The following CD86 variants were observed in gnomAD, a reference collection of about 807,000 sequenced individuals.
The protein encoded by CD86 is CD86 molecule.
In CD86, 11 loss-of-function variants were observed where a neutral mutation model predicts 32.1. The observed-to-expected ratio is 0.34, with a 90% CI of 0.22 to 0.57. The LOEUF is 0.57. CD86 is among the 20% of genes least tolerant of loss of function. The pLI is 0.86. For synonymous variants in CD86, 137 were observed against 135.3 expected, an observed-to-expected ratio of 1.01 and a Z score of -0.09; for missense variants, 359 against 398.4, an observed-to-expected ratio of 0.90 and a Z score of 0.84.
At chr3:122,095,757 T>C (rs537640621) in intron 2 of CD86, among the ~76,000 whole-genome samples, 72 of 152,250 alleles carry the variant, frequency 4.7e-4, no homozygotes, top group Admixed American at 1.2e-3. Context: ...AAAATAGATA[T>C]ATGTTATCTA....
intron 5 of CD86, among the ~76,000 whole-genome samples, chr3:122,110,925 G>A (rs1395514517): frequency 6.6e-6 from 1 of 152,154 alleles, no homozygotes; most frequent in African/African-American, 2.4e-5. Flanking sequence ...AAACAAAGAA[G>A]GGTTGGAGAA....
chr3:122,103,932 T>C (rs1441723028), intron 3 of CD86, 85 bp downstream of exon 3: 15 of 1,144,678 alleles, frequency 1.3e-5, no homozygotes, highest in Non-Finnish European at 1.0e-5. Context: ...GAGGGGGACT[T>C]GAGGGGCCCA....
chr3:122,066,929 G>A (rs1443135591), intron 1 of CD86, among the ~76,000 whole-genome samples: 1 of 152,148 alleles, frequency 6.6e-6, no homozygotes, highest in Non-Finnish European at 1.5e-5. Flanking sequence ...AGAGGGTTCA[G>A]GCTCCAACTG....
chr3:122,109,390 C>G lies in CD86; in HGVS notation c.829C>G (p.Arg277Gly). The change falls in exon 5 of 7, where the codon CGC becomes GGC. Residue 277 changes from arginine to glycine, a missense_variant. Transcript: ENST00000330540. ...GAAATGGAAGAAGAAGAAGCGGCCTCGCAACTCTTATAAATGTGGTGAGTG... is the reference window on the plus strand; with the variant it reads ...GAAATGGAAGAAGAAGAAGCGGCCTGGCAACTCTTATAAATGTGGTGAGTG... ...LWKWKKKKRP[R>G]NSYKCGTNTM... is the part of the protein sequence containing the mutation. 1 of 1,614,016 alleles carries G rather than the reference C, an allele frequency of 6.2e-7. No individual in the cohort carries two copies. The highest frequency in any genetic ancestry group is 8.5e-7 in the Non-Finnish European group (1 of 1,179,968).
At chr3:122,101,507 A>ATATAT (rs1166770159) in intron 2 of CD86, among the ~76,000 whole-genome samples, 28 of 79,728 alleles carry the variant, frequency 3.5e-4, no homozygotes, top group African/African-American at 4.8e-4. Flanking sequence ...AAAAAAAAAA[A>ATATAT]AAAAAAATAT....
chr3:122,094,194 C>T (rs776105706), intron 2 of CD86, among the ~76,000 whole-genome samples: 4 of 152,222 alleles, frequency 2.6e-5, no homozygotes, highest in Admixed American at 1.3e-4. Context: ...AAACACTAAA[C>T]TGGAACACCA....
intron 5 of CD86, among the ~76,000 whole-genome samples, chr3:122,110,709 T>C (rs1188512730): frequency 1.3e-5 from 2 of 152,208 alleles, no homozygotes; most frequent in Non-Finnish European, 2.9e-5. Context: ...ATTTCTATGA[T>C]ATAAAAGTAT....
rs1198042796 is a variant in CD86 at position 122,055,495 on chromosome 3, T to A, written c.6T>A (p.Asp2Glu). Residue 2 changes from aspartate to glutamate, a missense_variant, in exon 1 of 7, where the codon GAT becomes GAA. By Grantham distance (45) the Asp-to-Glu change is conservative (BLOSUM62 2). Transcript: ENST00000330540. Reference sequence around the variant, plus strand: ...TCACAGCAGAAGCAGCCAAAATGGATCCCCAGTGGTGAGTAATAATTCTTA... The same window carrying A: ...TCACAGCAGAAGCAGCCAAAATGGAACCCCAGTGGTGAGTAATAATTCTTA... M[D>E]PQCTMGLSNI... The A allele has an allele frequency of 6.2e-7, 1 of 1,613,868 alleles. No individual in the cohort carries two copies. Among genetic ancestry groups the A allele is most frequent in the East Asian group, 2.2e-5 (1 of 44,876 alleles).
intron 1 of CD86, among the ~76,000 whole-genome samples, chr3:122,090,900 A>G (rs1364266691): frequency 2.6e-5 from 4 of 152,262 alleles, no homozygotes; most frequent in African/African-American, 4.8e-5. Context: ...GTTGTTAAAC[A>G]TAAAAATTCA....
chr3:122,073,195 T>A (rs1036085932), intron 1 of CD86, among the ~76,000 whole-genome samples: 9 of 148,608 alleles, frequency 6.1e-5, no homozygotes, highest in Non-Finnish European at 1.3e-4. Context: ...ATTGTCAGAT[T>A]TTTGGATTTT....
intron 1 of CD86, among the ~76,000 whole-genome samples, chr3:122,066,724 G>T (rs1310464891): frequency 1.3e-5 from 2 of 152,126 alleles, no homozygotes; most frequent in African/African-American, 4.8e-5. Flanking sequence ...ACTTAACTGA[G>T]CCTCCACCCT....
chr3:122,063,886 A>G (rs2072375431), intron 1 of CD86, among the ~76,000 whole-genome samples: 1 of 152,178 alleles, frequency 6.6e-6, no homozygotes, highest in South Asian at 2.1e-4. Flanking sequence ...CCATATCAGG[A>G]ATTGAGAAGC....
Position 122,118,542 on chromosome 3 carries a change from C to T in CD86, c.893+449C>T, listed in dbSNP as rs182381363. Among the ~76,000 whole-genome samples the T allele has an allele frequency of 1.3e-4, 20 of 152,302 alleles. 1 individual carries two copies. The highest frequency in any genetic ancestry group is 4.1e-4 in the South Asian group (2 of 4,826). On this transcript the variant is annotated intron_variant, in intron 6 of 6. Coordinates refer to ENST00000330540, the MANE Select transcript of CD86 (RefSeq NM_175862.5). ...AGATGTTCTTCTGCCACTTCTTTACCTCATTCTTCAGATCTTGCCTCAAGC... is the reference window on the plus strand; with the variant it reads ...AGATGTTCTTCTGCCACTTCTTTACTTCATTCTTCAGATCTTGCCTCAAGC...
intron 1 of CD86, among the ~76,000 whole-genome samples, chr3:122,063,406 T>C (rs1356255767): frequency 6.6e-6 from 1 of 152,042 alleles, no homozygotes; most frequent in Admixed American, 6.6e-5. Context: ...TTTAATGTAA[T>C]GAAAAATAAG....
In CD86 at chr3:122,106,407, T is replaced by C; in HGVS notation, c.610T>C (p.Ser204Pro). Residue 204 changes from serine (S) to proline (P), a missense_variant, in exon 4 of 7, where the codon TCT (serine) becomes CCT (proline). Transcript: ENST00000330540. ...ACTGTACGACGTTTCCATCAGCTTG[T>C]CTGTTTCATTCCCTGATGTTACGAG... Reference protein sequence around the residue: ...TELYDVSISLSVSFPDVTSNM... With the variant: ...TELYDVSISLPVSFPDVTSNM... 1 of 1,614,084 alleles carries C rather than the reference T, an allele frequency of 6.2e-7. No homozygotes were observed. Among genetic ancestry groups the C allele is most frequent in the Non-Finnish European group, 8.5e-7 (1 of 1,179,922 alleles).
intron 2 of CD86, among the ~76,000 whole-genome samples, chr3:122,094,754 A>G (rs2072880050): frequency 1.3e-5 from 2 of 152,184 alleles, no homozygotes; most frequent in Admixed American, 1.3e-4. Context: ...GTCCTCTGTC[A>G]TGGAAATTTG....
intron 1 of CD86, chr3:122,086,734 C>A (rs1291475380): frequency 1.0e-5 from 4 of 397,702 alleles, no homozygotes; most frequent in South Asian, 1.9e-5. Flanking sequence ...ACTTTGGGGC[C>A]CCTTCTTCTC....
rs76582382 is a variant in CD86, at chr3:122,081,963, A to G, written c.15-9638A>G. 6.5e-3 allele frequency among the ~76,000 whole-genome samples: 995 copies of G among 152,278 alleles called. 36 individuals carry two copies. The East Asian group carries it at 0.11, about 17-fold the overall frequency. On this transcript the variant is annotated intron_variant, in intron 1 of 6. Coordinates refer to ENST00000330540, the MANE Select transcript of CD86 (RefSeq NM_175862.5). ...ATCCTTTAAATGTACCATATTGTCTACTGTGTTAAAAATGAGAGGAACTGA... is the reference window on the plus strand; with the variant it reads ...ATCCTTTAAATGTACCATATTGTCTGCTGTGTTAAAAATGAGAGGAACTGA...
intron 1 of CD86, among the ~76,000 whole-genome samples, chr3:122,066,055 A>C (rs1430227393): frequency 6.6e-6 from 1 of 152,202 alleles, no homozygotes; most frequent in East Asian, 1.9e-4. Flanking sequence ...AAACAAGCCA[A>C]AACCCAGCTC....
Sources: allele counts gnomAD v4.1 joint callset (sites outside exome capture counted in the v4.1 genomes callset), GRCh38; gene constraint gnomAD v4.1.1; transcripts MANE v1.5; gene names NCBI Gene and HGNC (gene_info 2026-07-23, HGNC 2026-07-21).